H3C4: variants seen among roughly 807,000 people sequenced by gnomAD.
The protein encoded by H3C4 is histone H3.1.
In H3C4, 10 loss-of-function variants were observed where a neutral mutation model predicts 8.7. That is an observed-to-expected ratio of 1.15 (90% CI 0.71 to 1.96). The LOEUF is 1.96. H3C4 is among the 30% of genes most tolerant of loss of function. H3C4 has a pLI of 0.00. For missense variants in H3C4, 216 were observed against 192.9 expected (o/e 1.12, Z -0.71); for synonymous variants, 141 against 80.1 (o/e 1.76, Z -4.06).
chr6:26,197,334 G>C, upstream of H3C4: 1 of 1,443,270 alleles, frequency 6.9e-7, no homozygotes. Context: ...CCCCTGTTCT[G>C]ATTGGACAAG....
Position 26,196,944 on chromosome 6 carries a change from C to CCA in H3C4, c.305_306dup (p.Gly103TrpfsTer17). 1 of 1,614,270 alleles carries CCA rather than the reference C, an allele frequency of 6.2e-7. No homozygotes were observed. The highest frequency in any genetic ancestry group is 8.5e-7 in the Non-Finnish European group (1 of 1,180,046). ...CATAGGTTGGTGTCCTCAAACAGCC[C>CCA]CACCAGGTAGGCCTCGCAGGCCTCC... On this transcript the variant is annotated frameshift_variant, in exon 1 of 1. Transcript: ENST00000356476. LOFTEE classifies it high-confidence loss of function.
upstream of H3C4, among the ~76,000 whole-genome samples, chr6:26,198,303 GTC>G (rs1245444912): frequency 6.6e-6 from 1 of 152,124 alleles, no homozygotes; most frequent in Non-Finnish European, 1.5e-5. Flanking sequence ...GTGACATAAA[GTC>G]TCTTTGCATT....
chr6:26,198,808 G>T (rs573140623), upstream of H3C4: 54 of 1,593,764 alleles, frequency 3.4e-5, no homozygotes, highest in African/African-American at 6.9e-4. Context: ...AAGAGCCTTT[G>T]TTAAGACTGC....
At chr6:26,199,191 C>T (rs1765066745), upstream of H3C4, 3 of 1,613,886 alleles carry the variant, frequency 1.9e-6, no homozygotes, top group Non-Finnish European at 2.5e-6. Context: ...CCGCGAAGAG[C>T]GGGTCTTAGC....
chr6:26,198,462 G>C (rs1401050445), upstream of H3C4, among the ~76,000 whole-genome samples: 2 of 152,116 alleles, frequency 1.3e-5, no homozygotes, highest in African/African-American at 4.8e-5. Context: ...CTCTTAAATA[G>C]CTGAAATTAC....
chr6:26,199,193 G>A (rs372124884), upstream of H3C4: 89 of 1,613,322 alleles, frequency 5.5e-5, no homozygotes, highest in Non-Finnish European at 7.3e-5. Flanking sequence ...GCGAAGAGCG[G>A]GTCTTAGCCT....
upstream of H3C4, chr6:26,198,701 C>T (rs944562659): frequency 2.8e-6 from 2 of 712,890 alleles, no homozygotes; most frequent in South Asian, 4.1e-5. Context: ...GTTAAGAACA[C>T]CCACTTATAA....
At chr6:26,198,338 T>G (rs937944315), upstream of H3C4, among the ~76,000 whole-genome samples, 25 of 152,070 alleles carry the variant, frequency 1.6e-4, no homozygotes, top group Non-Finnish European at 3.7e-4. Flanking sequence ...CTTTTTTGGG[T>G]TTTTGTTTGT....
chr6:26,196,825 C>G lies in H3C4; in HGVS notation c.*15G>C. 3 of 1,614,124 alleles carry G rather than the reference C, an allele frequency of 1.9e-6. No homozygotes were observed. The highest frequency in any genetic ancestry group is 1.1e-5 in the South Asian group (1 of 91,084). On this transcript the variant is annotated 3_prime_UTR_variant, in exon 1 of 1. Coordinates refer to ENST00000356476, the MANE Select transcript of H3C4 (RefSeq NM_001376937.1). ...GAGCCTTTGGGTTTTGGTTAGCACA[C>G]ATTCACAAGACAATTTACGCCCTCT... is the stretch of plus-strand genomic sequence containing the variant.
At chr6:26,197,724 T>G (rs891264575), upstream of H3C4, among the ~76,000 whole-genome samples, 2 of 152,190 alleles carry the variant, frequency 1.3e-5, no homozygotes, top group African/African-American at 4.8e-5. Context: ...TTTTCAATAA[T>G]TTGTTCCAAA....
upstream of H3C4, among the ~76,000 whole-genome samples, chr6:26,197,432 CTCCGTCCA>C (rs1561980799): frequency 6.6e-6 from 1 of 152,306 alleles, no homozygotes; most frequent in South Asian, 2.1e-4. Flanking sequence ...TAAAACTTTC[CTCCGTCCA>C]TCTTTAACTG....
upstream of H3C4, among the ~76,000 whole-genome samples, chr6:26,197,422 T>TA (rs1312241430): frequency 6.6e-6 from 1 of 152,192 alleles, no homozygotes; most frequent in Non-Finnish European, 1.5e-5. Context: ...GACCAAATAT[T>TA]AAAACTTTCC....
chr6:26,198,144 TTG>T (rs1765024595), upstream of H3C4, among the ~76,000 whole-genome samples: 1 of 152,164 alleles, frequency 6.6e-6, no homozygotes, highest in African/African-American at 2.4e-5. Flanking sequence ...AATAAAACAT[TTG>T]TTCTGGTTCT....
At chr6:26,199,189 A>G, upstream of H3C4, 1 of 1,613,958 alleles carries the variant, frequency 6.2e-7, no homozygotes, top group Non-Finnish European at 8.5e-7. Flanking sequence ...GCCCGCGAAG[A>G]GCGGGTCTTA....
At chr6:26,199,023 T>C (rs756364276), upstream of H3C4, 1 of 1,614,144 alleles carries the variant, frequency 6.2e-7, no homozygotes, top group South Asian at 1.1e-5. Flanking sequence ...GGTCTTCTTG[T>C]TGTCGCGGGC....
At chr6:26,197,380 C>T (rs1461736222), upstream of H3C4, 4 of 865,962 alleles carry the variant, frequency 4.6e-6, no homozygotes, top group Non-Finnish European at 7.2e-6. Flanking sequence ...GGTGGAGACG[C>T]CCACTCCCTG....
chr6:26,197,073 C>A lies in H3C4; in HGVS notation c.178G>T (p.Glu60Ter). 2 of 1,614,216 alleles carry A rather than the reference C, an allele frequency of 1.2e-6. No homozygotes were observed. Among genetic ancestry groups the A allele is most frequent in the Non-Finnish European group, 1.7e-6 (2 of 1,180,038 alleles). The change falls in exon 1 of 1, where the codon GAG becomes TAG. Residue 60 changes from glutamate to a stop codon, truncating the protein, a stop_gained. Coordinates refer to ENST00000356476, the MANE Select transcript of H3C4 (RefSeq NM_001376937.1). LOFTEE classifies it high-confidence loss of function. ...REIRRYQKSTELLIRKLPFQR... is the reference protein window; with the variant it reads ...REIRRYQKST ...AATGGCAGTTTGCGAATCAGCAGCT[C>A]GGTCGACTTCTGGTAGCGGCGGATC... is the stretch of plus-strand genomic sequence containing the variant.
upstream of H3C4, among the ~76,000 whole-genome samples, chr6:26,197,685 C>G (rs958116860): frequency 6.6e-6 from 1 of 151,936 alleles, no homozygotes; most frequent in African/African-American, 2.4e-5. Context: ...AATTTCATAT[C>G]TTGATTTGTC....
chr6:26,198,703 C>A (rs1765044913), upstream of H3C4: 3 of 720,618 alleles, frequency 4.2e-6, no homozygotes, highest in Admixed American at 9.7e-5. Context: ...TAAGAACACC[C>A]ACTTATAAAT....
Sources: allele counts gnomAD v4.1 joint callset (sites outside exome capture counted in the v4.1 genomes callset), GRCh38; gene constraint gnomAD v4.1.1; transcripts MANE v1.5; gene names NCBI Gene and HGNC (gene_info 2026-07-23, HGNC 2026-07-21).